Variants in PLEKHH2 observed in about 807,000 individuals in gnomAD.
The protein encoded by PLEKHH2 is pleckstrin homology, MyTH4 and FERM domain containing H2.
In PLEKHH2, 129 loss-of-function variants were observed where a neutral mutation model predicts 187.9. The ratio of observed to expected loss-of-function variants is 0.69; its 90% CI spans 0.59 to 0.79. The LOEUF is 0.79. PLEKHH2 is among the 30% of genes least tolerant of loss of function. PLEKHH2 has a pLI of 0.00. For synonymous variants in PLEKHH2, 686 were observed against 605.6 expected (o/e 1.13, Z -1.95); for missense variants, 2,076 against 1,751.2 (o/e 1.19, Z -3.31).
chr2:43,729,016 T>G (rs1403943343), intron 17 of PLEKHH2, among the ~76,000 whole-genome samples: 2 of 152,192 alleles, frequency 1.3e-5, no homozygotes, highest in Non-Finnish European at 2.9e-5. Context: ...AGAAATTGAT[T>G]AAATAAATAT....
chr2:43,717,060 G>A (rs1670245854), intron 15 of PLEKHH2, among the ~76,000 whole-genome samples: 1 of 152,206 alleles, frequency 6.6e-6, no homozygotes, highest in African/African-American at 2.4e-5. Flanking sequence ...GGGGCCAGGA[G>A]GGGACTGATA....
At position 43,745,896 on chromosome 2, in the gene PLEKHH2, G is replaced by C. The variant is rs367591900; in HGVS notation, c.3586G>C (p.Ala1196Pro). The part of the protein sequence containing the change: ...ICDIISKWEQ[A>P]SKEQQPGKCE... ...TGACATTATTTCCAAATGGGAACAG[G>C]CTTCCAAAGAACAGCAGCCTGGAAA... The change falls in exon 24 of 30, where the codon GCT (alanine) becomes CCT (proline). Residue 1196 changes from alanine to proline, a missense_variant. By Grantham distance (27) the Ala-to-Pro change is conservative (BLOSUM62 -1). Transcript: ENST00000282406. 3.1e-6 allele frequency: 5 copies of C among 1,612,370 alleles called. No individual in the cohort carries two copies. The highest frequency in any genetic ancestry group is 3.4e-6 in the Non-Finnish European group (4 of 1,178,926).
Position 43,758,974 on chromosome 2 carries a change from A to G in PLEKHH2, c.4016A>G (p.Tyr1339Cys), listed in dbSNP as rs749354879. 3.1e-6 allele frequency: 5 copies of G among 1,612,780 alleles called. No homozygotes were observed. Among genetic ancestry groups the G allele is most frequent in the Non-Finnish European group, 4.2e-6 (5 of 1,178,956 alleles). The stretch of plus-strand genomic sequence containing the variant: ...AGTGCTGCTGACTGTGTGCGCATTT[A>G]TTTGACAGTAGCCAGGAAGTGGCCA... ...GHSAADCVRI[Y>C]LTVARKWPFF... The change falls in exon 27 of 30, where the codon TAT becomes TGT. Residue 1339 changes from tyrosine (Y) to cysteine (C), a missense_variant. Tyr to Cys is a radical substitution (Grantham distance 194, BLOSUM62 -2). Coordinates refer to ENST00000282406, the MANE Select transcript of PLEKHH2 (RefSeq NM_172069.4).
intron 3 of PLEKHH2, among the ~76,000 whole-genome samples, chr2:43,687,512 G>A (rs969407230): frequency 6.6e-6 from 1 of 152,174 alleles, no homozygotes; most frequent in African/African-American, 2.4e-5. Flanking sequence ...TATATACCCA[G>A]TAACTGGATT....
chr2:43,726,016 G>C (rs1248211772), intron 16 of PLEKHH2, among the ~76,000 whole-genome samples: 1 of 151,352 alleles, frequency 6.6e-6, no homozygotes, highest in Non-Finnish European at 1.5e-5. Flanking sequence ...TATTTGGGAG[G>C]CTGAGATGGA....
rs1417207753 is a variant in PLEKHH2 at position 43,758,786 on chromosome 2, G to C, written c.3942-114G>C. On this transcript the variant is annotated intron_variant, in intron 26 of 29. Transcript: ENST00000282406. ...AAAATCTTTACCTGGGTTATGCCTA[G>C]GGATCACAGTTATGCTTAGGATTGG... The C allele has an allele frequency of 4.8e-6, 4 of 833,934 alleles. No homozygotes were observed. In the African/African-American group the frequency reaches 6.9e-5, roughly 14 times the overall value. 51.7% of individuals were successfully genotyped at this position (833,934 alleles called of 1,614,324 possible). A position where few individuals can be genotyped will look rare whatever the true frequency, so the allele number is the denominator to read the frequency against.
chr2:43,736,695 G>A (rs892234922), intron 19 of PLEKHH2, among the ~76,000 whole-genome samples: 2 of 152,112 alleles, frequency 1.3e-5, no homozygotes, highest in African/African-American at 2.4e-5. Flanking sequence ...TTAGCGAGTT[G>A]TGGTGGTTGG....
chr2:43,727,151 C>T (rs983359649), intron 17 of PLEKHH2, among the ~76,000 whole-genome samples: 5 of 152,164 alleles, frequency 3.3e-5, no homozygotes, highest in East Asian at 3.8e-4. Flanking sequence ...CGGTGACTCA[C>T]GTCTGTAATC....
chr2:43,692,729 A>G, intron 4 of PLEKHH2, 66 bp downstream of exon 4: 1 of 1,497,428 alleles, frequency 6.7e-7, no homozygotes, highest in Non-Finnish European at 9.1e-7. Context: ...ACAAAGATTA[A>G]AAAGAGAGAG....
intron 2 of PLEKHH2, among the ~76,000 whole-genome samples, chr2:43,648,652 C>T (rs1306168585): frequency 1.3e-5 from 2 of 151,516 alleles, no homozygotes; most frequent in African/African-American, 4.9e-5. Flanking sequence ...GCAATCTTGG[C>T]TCACTGCAAC....
intron 24 of PLEKHH2, among the ~76,000 whole-genome samples, chr2:43,750,795 G>C (rs1053307772): frequency 6.6e-6 from 1 of 152,092 alleles, no homozygotes; most frequent in Non-Finnish European, 1.5e-5. Context: ...CCATTTATTT[G>C]TCCATTCATG....
intron 2 of PLEKHH2, among the ~76,000 whole-genome samples, chr2:43,671,476 C>G (rs1352923281): frequency 6.6e-6 from 1 of 151,722 alleles, no homozygotes; most frequent in Non-Finnish European, 1.5e-5. Context: ...ATTTTTCTTT[C>G]TTGGCTATTA....
At chr2:43,691,654 C>T (rs994173890) in intron 3 of PLEKHH2, among the ~76,000 whole-genome samples, 1 of 152,218 alleles carries the variant, frequency 6.6e-6, no homozygotes, top group Non-Finnish European at 1.5e-5. Flanking sequence ...CTATCATTAT[C>T]ACCTGAGTAA....
chr2:43,738,978 G>A (rs1232025604), intron 20 of PLEKHH2, among the ~76,000 whole-genome samples: 2 of 152,054 alleles, frequency 1.3e-5, no homozygotes, highest in African/African-American at 2.4e-5. Context: ...TGGAACCTCC[G>A]CCTCCCGGGT....
chr2:43,750,369 G>C (rs1276892781), intron 24 of PLEKHH2, among the ~76,000 whole-genome samples: 1 of 152,162 alleles, frequency 6.6e-6, no homozygotes, highest in African/African-American at 2.4e-5. Flanking sequence ...CTACATGGGA[G>C]GCTGGGGCAG....
At position 43,694,519 on chromosome 2, in the gene PLEKHH2, T is replaced by G. The variant is rs1668994065; in HGVS notation, c.420+5T>G. On this transcript the variant is annotated splice_donor_5th_base_variant and intron_variant, in intron 5 of 29. Transcript: ENST00000282406. ...GTAACAGTTAAGTTAAATGAGGTAT[T>G]TATTGCTATATGTTTTCCTTTTCTT... 6.5e-7 allele frequency: 1 copy of G among 1,544,618 alleles called. No homozygotes were observed. The highest frequency in any genetic ancestry group is 1.9e-5 in the Admixed American group (1 of 51,756).
intron 3 of PLEKHH2, 117 bp from the exon 4 acceptor site, chr2:43,692,397 T>A: frequency 1.3e-6 from 1 of 775,144 alleles, no homozygotes; most frequent in South Asian, 2.1e-5. Flanking sequence ...TGCTGTTTAA[T>A]ATTTTCCTTT....
At chr2:43,690,671 C>A (rs1318534452) in intron 3 of PLEKHH2, among the ~76,000 whole-genome samples, 2 of 152,174 alleles carry the variant, frequency 1.3e-5, no homozygotes, top group African/African-American at 4.8e-5. Context: ...CCTCTATAAT[C>A]TGAAACGTTG....
intron 2 of PLEKHH2, among the ~76,000 whole-genome samples, chr2:43,659,428 T>C (rs543401035): frequency 6.6e-6 from 1 of 152,032 alleles, no homozygotes; most frequent in Non-Finnish European, 1.5e-5. Context: ...TCTTTGACAA[T>C]CCTAAACATA....
Sources: allele counts gnomAD v4.1 joint callset (sites outside exome capture counted in the v4.1 genomes callset), GRCh38; gene constraint gnomAD v4.1.1; transcripts MANE v1.5; gene names NCBI Gene and HGNC (gene_info 2026-07-23, HGNC 2026-07-21).